Variants in NHS observed in about 807,000 individuals in gnomAD.
NHS encodes the protein NHS actin remodeling regulator.
A neutral mutation model predicts 72.5 loss-of-function variants in NHS; 5 were observed. The observed-to-expected ratio is 0.07, with a 90% CI of 0.04 to 0.14. The LOEUF (loss-of-function observed/expected upper bound fraction) is 0.14. Ranked by LOEUF, NHS falls within the 10% of genes least tolerant of loss-of-function variation. The pLI, the probability that NHS is intolerant of heterozygous loss-of-function variation, is 1.00. For missense variants in NHS, 1,072 were observed against 1,355.7 expected (o/e 0.79, Z 3.29); for synonymous variants, 464 against 547.7 (o/e 0.85, Z 2.13).
chrX:17,475,810 T>C (rs2064914455), intron 1 of NHS, among the ~76,000 whole-genome samples: 1 of 112,363 alleles, frequency 8.9e-6, no homozygotes, highest in African/African-American at 3.2e-5. Context: ...TGCTTCCAGC[T>C]ACCTCACTTC....
At chrX:17,661,116 C>T (rs2065980501) in intron 1 of NHS, among the ~76,000 whole-genome samples, 1 of 111,899 alleles carries the variant, frequency 8.9e-6, no homozygotes, top group Non-Finnish European at 1.9e-5. Context: ...TGTGTGACTT[C>T]TGCTCTCTTG....
chrX:17,654,757 G>A (rs2065944815), intron 1 of NHS, among the ~76,000 whole-genome samples: 1 of 112,432 alleles, frequency 8.9e-6, no homozygotes, highest in Non-Finnish European at 1.9e-5. Flanking sequence ...CATCCCACAA[G>A]TCATCTTTGG....
At position 17,501,794 on chromosome X, in the gene NHS, G is replaced by A. The variant is rs774535653; in HGVS notation, c.565+125472G>A. Among the ~76,000 whole-genome samples the A allele has an allele frequency of 4.5e-5, 5 of 112,273 alleles. No homozygotes were observed. The South Asian group carries it at 1.1e-3, about 25-fold the overall frequency. On this transcript the variant is annotated intron_variant, in intron 1 of 8. Coordinates refer to ENST00000676302, the MANE Select transcript of NHS (RefSeq NM_001291867.2). ...CAACAAGTCTTGAATGTTCCAGGAC[G>A]GTGATGATTTCAGATATTCCCTTTC...
In NHS at chrX:17,375,635, C is replaced by A; in HGVS notation, c.-123C>A. On this transcript the variant is annotated 5_prime_UTR_variant, in exon 1 of 9. Coordinates refer to ENST00000676302, the MANE Select transcript of NHS (RefSeq NM_001291867.2). ...GTGAGCAGAGAAGCCCCCTGCGTAT[C>A]CGGACTGCCAGATCGCGCTTTTGCC... 1 of 694,291 alleles carries A rather than the reference C, an allele frequency of 1.4e-6. No homozygotes were observed. Among genetic ancestry groups the A allele is most frequent in the Non-Finnish European group, 2.2e-6 (1 of 464,280 alleles). 57.2% of individuals were successfully genotyped at this position (694,291 alleles called of 1,213,427 possible).
rs1196277394 is a variant in NHS at position 17,454,219 on chromosome X, T to G, written c.565+77897T>G. On this transcript the variant is annotated intron_variant, in intron 1 of 8. Coordinates refer to ENST00000676302, the MANE Select transcript of NHS (RefSeq NM_001291867.2). ...GCTATTTGATAGCATTGAAGCTCATTGGTTAACCAGTCCTTTCCCACTAGA... is the reference window on the plus strand; with the variant it reads ...GCTATTTGATAGCATTGAAGCTCATGGGTTAACCAGTCCTTTCCCACTAGA... Among the ~76,000 whole-genome samples, 3 of 111,884 alleles carry G rather than the reference T, an allele frequency of 2.7e-5. No homozygotes were observed. The Admixed American group carries it at 2.8e-4, about 11-fold the overall frequency.
chrX:17,659,206 C>A (rs960673594), intron 1 of NHS, among the ~76,000 whole-genome samples: 1 of 112,075 alleles, frequency 8.9e-6, no homozygotes, highest in African/African-American at 3.2e-5. Context: ...TGCAAGGGGA[C>A]TGGGAAATCT....
At chrX:17,724,224 AT>A (rs2066427269) in intron 5 of NHS, 74 bp from the exon 6 acceptor site, 1 of 1,172,768 alleles carries the variant, frequency 8.5e-7, no homozygotes. Context: ...CCCGTCAAAA[AT>A]ATCACTGTGT....
intron 1 of NHS, among the ~76,000 whole-genome samples, chrX:17,385,390 C>T (rs938348485): frequency 5.4e-5 from 6 of 111,052 alleles, no homozygotes; most frequent in African/African-American, 1.3e-4. Context: ...GGTATGTGCC[C>T]GTAGTCCCAT....
At chrX:17,558,307 A>G (rs1300244066) in intron 1 of NHS, among the ~76,000 whole-genome samples, 2 of 112,239 alleles carry the variant, frequency 1.8e-5, no homozygotes, top group South Asian at 3.8e-4. Flanking sequence ...ATTCTCCACA[A>G]TGTACATCAT....
chrX:17,637,095 A>G (rs765231596), intron 1 of NHS, among the ~76,000 whole-genome samples: 1 of 111,595 alleles, frequency 9.0e-6, no homozygotes, highest in Non-Finnish European at 1.9e-5. Context: ...CTGCACTTCC[A>G]CCCAAACCCC....
At chrX:17,416,155 C>T (rs978938457) in intron 1 of NHS, among the ~76,000 whole-genome samples, 2 of 111,042 alleles carry the variant, frequency 1.8e-5, no homozygotes, top group African/African-American at 6.6e-5. Context: ...TTCAGTCTCT[C>T]TCTCACCCTC....
At chrX:17,723,776 C>CGT (rs1569318368) in intron 5 of NHS, among the ~76,000 whole-genome samples, 2 of 35,121 alleles carry the variant, frequency 5.7e-5, no homozygotes, top group Non-Finnish European at 1.2e-4. Flanking sequence ...TGTGTGCGCG[C>CGT]GCGTGCGCGC....
intron 8 of NHS, 73 bp from the exon 9 acceptor site, chrX:17,731,785 C>T: frequency 8.9e-6 from 10 of 1,125,869 alleles, no homozygotes; most frequent in Non-Finnish European, 1.2e-5. Context: ...TGTGTGAATG[C>T]GACTGAATAC....
chrX:17,698,758 T>G (rs989036248), intron 3 of NHS, among the ~76,000 whole-genome samples: 1 of 111,489 alleles, frequency 9.0e-6, no homozygotes, highest in Admixed American at 9.5e-5. Flanking sequence ...ATGGGATTTA[T>G]TCTAGGAATG....
chrX:17,682,945 C>T (rs2066138344), intron 1 of NHS, among the ~76,000 whole-genome samples: 1 of 111,592 alleles, frequency 9.0e-6, no homozygotes, highest in African/African-American at 3.3e-5. Context: ...AAGCTTCCTC[C>T]TGCTCTTAGA....
intron 1 of NHS, among the ~76,000 whole-genome samples, chrX:17,616,695 TA>T (rs1311367864): frequency 8.9e-6 from 1 of 112,949 alleles, no homozygotes; most frequent in Non-Finnish European, 1.9e-5. Context: ...TTAGATTTCA[TA>T]AAATTTACAG....
rs1342581846 is a variant in NHS at position 17,716,635 on chromosome X, A to G, written c.853-2709A>G. On this transcript the variant is annotated intron_variant, in intron 3 of 8. Coordinates refer to ENST00000676302, the MANE Select transcript of NHS (RefSeq NM_001291867.2). ...AGCAAGGGAGCCATAGACCCTACAA[A>G]ATCATTAGTCTTAAATAAGATCTAG... Among the ~76,000 whole-genome samples the G allele has an allele frequency of 9.0e-5, 10 of 111,725 alleles. No homozygotes were observed. In the Admixed American group the frequency reaches 9.5e-4, roughly 11 times the overall value.
intron 1 of NHS, among the ~76,000 whole-genome samples, chrX:17,511,266 A>G (rs1270900324): frequency 9.0e-6 from 1 of 110,899 alleles, no homozygotes; most frequent in Non-Finnish European, 1.9e-5. Context: ...CCTGCCTGCC[A>G]CCTCTTTGTT....
chrX:17,735,934 A>G lies in NHS; in HGVS notation c.*3470A>G, dbSNP rs763537217. The G allele has an allele frequency of 8.9e-5, 10 of 112,472 alleles. No homozygotes were observed. Among genetic ancestry groups the G allele is most frequent in the African/African-American group, 3.2e-4 (10 of 30,849 alleles). The allele number at this position is 112,472 out of a possible 1,213,427, so 9.3% of individuals were successfully genotyped here. A position where few individuals can be genotyped will look rare whatever the true frequency, so the allele number is the denominator to read the frequency against. On this transcript the variant is annotated 3_prime_UTR_variant, in exon 9 of 9. Coordinates refer to ENST00000676302, the MANE Select transcript of NHS (RefSeq NM_001291867.2). ...ACCCCTCTCAAAAAAAATGTATCAG[A>G]AAAGTTTGATTACCTAGAAAGTGTG...
Sources: allele counts gnomAD v4.1 joint callset (sites outside exome capture counted in the v4.1 genomes callset), GRCh38; gene constraint gnomAD v4.1.1; transcripts MANE v1.5; gene names NCBI Gene and HGNC (gene_info 2026-07-23, HGNC 2026-07-21).